Variants in SV2C observed in about 807,000 individuals in gnomAD.
SV2C encodes the protein synaptic vesicle glycoprotein 2C.
Under a neutral mutation model 79.7 loss-of-function variants are expected in SV2C, and 49 were observed. The observed-to-expected ratio is 0.61, with a 90% confidence interval of 0.49 to 0.78. SV2C has a LOEUF of 0.78. SV2C is among the 30% of genes least tolerant of loss of function. The pLI is 0.00. For synonymous variants in SV2C, 334 were observed against 333.2 expected, an observed-to-expected ratio of 1.00 and a Z score of -0.03; for missense variants, 833 against 912.9, an observed-to-expected ratio of 0.91 and a Z score of 1.13.
chr5:75,982,222 A>AAG, the SV2C span, among the ~76,000 whole-genome samples: 8 of 145,114 alleles, frequency 5.5e-5, no homozygotes, highest in African/African-American at 1.7e-4. Flanking sequence ...CTAAAACTTA[A>AAG]TTAAAAAAAT....
the SV2C span, among the ~76,000 whole-genome samples, chr5:75,962,092 G>A: frequency 3.3e-5 from 5 of 152,208 alleles, no homozygotes; most frequent in East Asian, 1.9e-4. Flanking sequence ...TTTCAAGGAC[G>A]TAAGGGCAAG....
the SV2C span, among the ~76,000 whole-genome samples, chr5:75,952,417 T>C: frequency 1.3e-3 from 193 of 151,920 alleles, 6 homozygotes; most frequent in East Asian, 0.036. Flanking sequence ...TGATTAATCC[T>C]TTTCATTATT....
intron 12 of SV2C, among the ~76,000 whole-genome samples, chr5:76,309,190 G>A (rs1236101024): frequency 6.6e-6 from 1 of 152,192 alleles, no homozygotes; most frequent in Non-Finnish European, 1.5e-5. Flanking sequence ...GCCTTATTGT[G>A]TGGGGACGGG....
intron 12 of SV2C, among the ~76,000 whole-genome samples, chr5:76,322,030 A>AGAT (rs1399184075): frequency 6.6e-6 from 1 of 152,174 alleles, no homozygotes; most frequent in East Asian, 1.9e-4. Flanking sequence ...ATAATTGGCA[A>AGAT]GATAGCAGAG....
At chr5:75,988,316 T>C in the SV2C span, among the ~76,000 whole-genome samples, 22 of 152,002 alleles carry the variant, frequency 1.4e-4, no homozygotes, top group South Asian at 8.3e-4. Context: ...TGATGATCAA[T>C]GAGGCTTTAT....
intron 12 of SV2C, among the ~76,000 whole-genome samples, chr5:76,341,141 G>T (rs1414869434): frequency 6.6e-6 from 1 of 151,998 alleles, no homozygotes; most frequent in African/African-American, 2.4e-5. Flanking sequence ...ATGTTGGCCA[G>T]GCTTGTCTCA....
chr5:76,192,989 G>A (rs756657011), intron 2 of SV2C, among the ~76,000 whole-genome samples: 1 of 152,188 alleles, frequency 6.6e-6, no homozygotes, highest in Non-Finnish European at 1.5e-5. Context: ...GAGGCCACGT[G>A]AGAATTAGTA....
the SV2C span, among the ~76,000 whole-genome samples, chr5:75,965,244 A>C: frequency 1.3e-5 from 2 of 152,178 alleles, no homozygotes; most frequent in Admixed American, 1.3e-4. Context: ...CTGGCCTTCA[A>C]GCCACTAGGA....
At chr5:75,884,143 C>T in the SV2C span, among the ~76,000 whole-genome samples, 1 of 152,038 alleles carries the variant, frequency 6.6e-6, no homozygotes, top group Non-Finnish European at 1.5e-5. Context: ...GAAAAATAAC[C>T]CTGTGAACTA....
At chr5:76,264,470 C>G (rs749007810) in intron 4 of SV2C, among the ~76,000 whole-genome samples, 1 of 152,076 alleles carries the variant, frequency 6.6e-6, no homozygotes, top group Non-Finnish European at 1.5e-5. Context: ...CAGTTTTGTG[C>G]CCTTGCTGGA....
intron 4 of SV2C, among the ~76,000 whole-genome samples, chr5:76,236,455 G>A (rs909026806): frequency 2.6e-5 from 4 of 151,966 alleles, no homozygotes; most frequent in African/African-American, 4.8e-5. Context: ...CCAGCTACTC[G>A]GGAAGCTTAG....
the SV2C span, among the ~76,000 whole-genome samples, chr5:76,073,544 T>TATATATATATATAAATAC: frequency 2.0e-4 from 24 of 121,056 alleles, no homozygotes; most frequent in African/African-American, 6.7e-4. Context: ...TATATATATA[T>TATATATATATATAAATAC]ACACCATGGA....
chr5:75,915,402 TA>T, the SV2C span, among the ~76,000 whole-genome samples: 2 of 152,228 alleles, frequency 1.3e-5, no homozygotes, highest in Non-Finnish European at 2.9e-5. Context: ...TAGGATTCCT[TA>T]AAACACTTTT....
At chr5:76,168,621 T>C (rs1234339850) in intron 2 of SV2C, among the ~76,000 whole-genome samples, 1 of 152,240 alleles carries the variant, frequency 6.6e-6, no homozygotes, top group African/African-American at 2.4e-5. Flanking sequence ...CTCTCTCCGT[T>C]CATTTTGCTT....
chr5:76,155,366 A>G (rs1312463493), intron 2 of SV2C, among the ~76,000 whole-genome samples: 1 of 152,214 alleles, frequency 6.6e-6, no homozygotes, highest in African/African-American at 2.4e-5. Flanking sequence ...ATTTGAAGCA[A>G]GACCTCCACT....
At chr5:76,253,384 C>T (rs1027510126) in intron 4 of SV2C, among the ~76,000 whole-genome samples, 2 of 152,032 alleles carry the variant, frequency 1.3e-5, no homozygotes, top group Non-Finnish European at 2.9e-5. Context: ...CTCGGTCTCC[C>T]GGGCTCAAGC....
At chr5:76,155,959 A>C (rs1170683182) in intron 2 of SV2C, among the ~76,000 whole-genome samples, 1 of 151,442 alleles carries the variant, frequency 6.6e-6, no homozygotes, top group Non-Finnish European at 1.5e-5. Context: ...AAAAAAAAAA[A>C]AAAAAAAAAA....
rs541456911 is a variant in SV2C, at chr5:76,258,650, T to G, written c.914-26512T>G. Among the ~76,000 whole-genome samples, 6 of 152,328 alleles carry G rather than the reference T, an allele frequency of 3.9e-5. No homozygotes were observed. The East Asian group carries it at 7.7e-4, about 20-fold the overall frequency. ...TTGTGGAAATGTAATCTTGCTGCTGTTTTTTTGTTGTTATCGCACCACTCT... is the reference window on the plus strand; with the variant it reads ...TTGTGGAAATGTAATCTTGCTGCTGGTTTTTTGTTGTTATCGCACCACTCT... On this transcript the variant is annotated intron_variant, in intron 4 of 12. Transcript: ENST00000502798.
chr5:76,225,845 T>G (rs1745219717), intron 4 of SV2C, among the ~76,000 whole-genome samples: 1 of 152,186 alleles, frequency 6.6e-6, no homozygotes, highest in South Asian at 2.1e-4. Flanking sequence ...TTCATTTAAA[T>G]TACTTGATGA....
Sources: allele counts gnomAD v4.1 joint callset (sites outside exome capture counted in the v4.1 genomes callset), GRCh38; gene constraint gnomAD v4.1.1; transcripts MANE v1.5; gene names NCBI Gene and HGNC (gene_info 2026-07-23, HGNC 2026-07-21).